PDE1C: variants seen among roughly 807,000 people sequenced by gnomAD.
PDE1C encodes the protein dual specificity calcium/calmodulin-dependent 3',5'-cyclic nucleotide phosphodiesterase 1C.
PDE1C carries 62 observed loss-of-function variants against 93.1 expected under a neutral mutation model. That is an observed-to-expected ratio of 0.67 (90% CI 0.54 to 0.82). PDE1C has a LOEUF of 0.82. Among genes scored for constraint, PDE1C ranks in the 40% least tolerant of loss-of-function variants. The pLI is 0.00. For synonymous variants in PDE1C, 325 were observed against 310.1 expected (o/e 1.05, Z -0.50); for missense variants, 742 against 884.6 (o/e 0.84, Z 2.04).
At chr7:31,849,706 C>T (rs1413936397) in intron 8 of PDE1C, among the ~76,000 whole-genome samples, 1 of 152,108 alleles carries the variant, frequency 6.6e-6, no homozygotes, top group Non-Finnish European at 1.5e-5. Flanking sequence ...CTCCCTGCTA[C>T]ATTCTTTCTC....
At chr7:31,799,912 G>C (rs568922583) in intron 16 of PDE1C, among the ~76,000 whole-genome samples, 3 of 151,828 alleles carry the variant, frequency 2.0e-5, no homozygotes, top group African/African-American at 7.2e-5. Flanking sequence ...GACAGCCACA[G>C]TGAAATGCAG....
chr7:32,149,312 A>C (rs150304477), intron 3 of PDE1C, among the ~76,000 whole-genome samples: 63 of 152,366 alleles, frequency 4.1e-4, no homozygotes, highest in Non-Finnish European at 7.3e-4. Flanking sequence ...CTGTTTGTTA[A>C]GAAAATGTCA....
chr7:31,759,837 G>A (rs903914114), intron 17 of PDE1C, among the ~76,000 whole-genome samples: 1 of 151,632 alleles, frequency 6.6e-6, no homozygotes, highest in Non-Finnish European at 1.5e-5. Flanking sequence ...CCCTTTCACT[G>A]CCACAACCAG....
chr7:31,691,812 A>C, the PDE1C span, among the ~76,000 whole-genome samples: 36 of 151,124 alleles, frequency 2.4e-4, 1 homozygote, highest in African/African-American at 8.7e-4. Flanking sequence ...AAAAAAAAAA[A>C]AAAAAAAAAA....
At chr7:31,622,904 T>A in the PDE1C span, among the ~76,000 whole-genome samples, 3 of 151,828 alleles carry the variant, frequency 2.0e-5, no homozygotes, top group Admixed American at 2.0e-4. Flanking sequence ...ATAGACACAA[T>A]AAAAAATGAT....
intron 1 of PDE1C, among the ~76,000 whole-genome samples, chr7:32,413,874 G>C (rs897053672): frequency 6.6e-6 from 1 of 152,098 alleles, no homozygotes; most frequent in African/African-American, 2.4e-5. Flanking sequence ...TCACAGAATT[G>C]TTTATAATAG....
At chr7:32,377,375 G>A (rs1417580458) in intron 1 of PDE1C, among the ~76,000 whole-genome samples, 1 of 152,208 alleles carries the variant, frequency 6.6e-6, no homozygotes, top group South Asian at 2.1e-4. Context: ...TTGCAATAGA[G>A]TTAGCCTGTA....
intron 2 of PDE1C, among the ~76,000 whole-genome samples, chr7:31,967,125 G>A (rs1810116502): frequency 6.6e-6 from 1 of 152,138 alleles, no homozygotes; most frequent in African/African-American, 2.4e-5. Context: ...AGAACTGAAG[G>A]AAATAGAGAC....
intron 2 of PDE1C, among the ~76,000 whole-genome samples, chr7:31,894,629 G>T (rs1205415899): frequency 6.6e-6 from 1 of 152,144 alleles, no homozygotes; most frequent in Non-Finnish European, 1.5e-5. Context: ...TCTCAGAAAA[G>T]AAATTCCATT....
intron 2 of PDE1C, among the ~76,000 whole-genome samples, chr7:31,994,282 A>AACT (rs1303584304): frequency 6.6e-6 from 1 of 152,190 alleles, no homozygotes; most frequent in Non-Finnish European, 1.5e-5. Flanking sequence ...ATATTCTCAA[A>AACT]ACTACCTTTT....
intron 2 of PDE1C, among the ~76,000 whole-genome samples, chr7:31,969,350 T>C (rs1229362955): frequency 6.6e-6 from 1 of 152,118 alleles, no homozygotes; most frequent in South Asian, 2.1e-4. Flanking sequence ...CAGACACTTC[T>C]CAAAAGAAGA....
chr7:31,837,271 A>G lies in PDE1C; in HGVS notation c.1112T>C (p.Met371Thr). ...ATGGCTAATATCTGCTGTATGCAGC[A>G]TAAGGGATAAGGCTTTTGGCTTTTC... is the stretch of plus-strand genomic sequence containing the variant. ...AIEKPKALSLMLHTADISHPA... is the reference protein window; with the variant it reads ...AIEKPKALSLTLHTADISHPA... Residue 371 changes from methionine to threonine, a missense_variant, in exon 11 of 18, where the codon ATG becomes ACG. Coordinates refer to ENST00000396191, the MANE Select transcript of PDE1C (RefSeq NM_001191057.4). 6.2e-7 allele frequency: 1 copy of G among 1,613,600 alleles called. No individual in the cohort carries two copies. The highest frequency in any genetic ancestry group is 8.5e-7 in the Non-Finnish European group (1 of 1,179,678).
chr7:31,905,543 C>A (rs1314339840), intron 2 of PDE1C, among the ~76,000 whole-genome samples: 1 of 152,134 alleles, frequency 6.6e-6, no homozygotes, highest in Non-Finnish European at 1.5e-5. Context: ...GGAAACTATA[C>A]AATTTAATGT....
At chr7:32,237,176 A>G (rs12701195) in intron 1 of PDE1C, among the ~76,000 whole-genome samples, 15,733 of 144,192 alleles carry the variant, frequency 0.11, 883 homozygotes, top group East Asian at 0.13. Flanking sequence ...AAGTTCTACC[A>G]CCCAGGTTCA....
At chr7:31,714,551 G>C in the PDE1C span, among the ~76,000 whole-genome samples, 1 of 152,118 alleles carries the variant, frequency 6.6e-6, no homozygotes, top group Non-Finnish European at 1.5e-5. Flanking sequence ...CCAACTTACT[G>C]TATTAGTCTG....
intron 16 of PDE1C, among the ~76,000 whole-genome samples, chr7:31,780,908 T>G (rs1017503582): frequency 2.0e-5 from 3 of 152,162 alleles, no homozygotes; most frequent in Non-Finnish European, 4.4e-5. Context: ...ACATTTCCCT[T>G]GACTCACAGC....
chr7:31,629,235 C>A, the PDE1C span, among the ~76,000 whole-genome samples: 1 of 152,112 alleles, frequency 6.6e-6, no homozygotes, highest in African/African-American at 2.4e-5. Flanking sequence ...TCAGGAATAT[C>A]TACTAAGTAT....
intron 5 of PDE1C, among the ~76,000 whole-genome samples, chr7:31,875,030 C>G (rs978416261): frequency 1.4e-4 from 21 of 152,188 alleles, no homozygotes; most frequent in Non-Finnish European, 2.5e-4. Flanking sequence ...CAGGCCTCAT[C>G]CCTTTAATAT....
upstream of PDE1C, chr7:32,070,489 G>C: frequency 6.4e-7 from 1 of 1,563,040 alleles, no homozygotes; most frequent in Admixed American, 1.8e-5. Flanking sequence ...AGCCAGGCGC[G>C]GCGCGCGTTT....
Sources: gnomAD v4.1 joint callset for allele counts (sites outside exome capture counted in the v4.1 genomes callset) on GRCh38, gnomAD v4.1.1 for gene constraint, MANE v1.5 for transcripts, NCBI Gene and HGNC (gene_info 2026-07-23, HGNC 2026-07-21) for gene names.